The following DAB1 variants were observed in gnomAD, a reference collection of about 807,000 sequenced individuals.
DAB1 encodes the protein DAB adaptor protein 1, also known as disabled homolog 1.
A neutral mutation model predicts 64.6 loss-of-function variants in DAB1; 15 were observed. The observed-to-expected ratio is 0.23, with a 90% CI of 0.16 to 0.36. The LOEUF (loss-of-function observed/expected upper bound fraction) is 0.36, where lower values mean the gene tolerates loss of function less well. Among genes scored for constraint, DAB1 ranks in the 10% least tolerant of loss-of-function variants. The probability of loss-of-function intolerance (pLI) is 1.00; values close to 1 mark genes in which losing one functional copy is unlikely to be tolerated. For missense variants in DAB1, 596 were observed against 706.7 expected (o/e 0.84, Z 1.78); for synonymous variants, 235 against 251.9 (o/e 0.93, Z 0.64).
intron 2 of DAB1, among the ~76,000 whole-genome samples, chr1:57,233,255 C>CTTTTCTTT (rs1667827101): frequency 1.6e-5 from 1 of 60,804 alleles, no homozygotes; most frequent in East Asian, 7.0e-4. Flanking sequence ...TGCTCCGATT[C>CTTTTCTTT]TTTTTTTTTT....
At chr1:58,284,838 TA>T (rs1160135466) in intron 4 of DAB1, among the ~76,000 whole-genome samples, 2 of 152,208 alleles carry the variant, frequency 1.3e-5, no homozygotes. Context: ...CACACATGAA[TA>T]AAAGCAGCAG....
At chr1:57,511,200 C>T (rs775676236) in intron 7 of DAB1, among the ~76,000 whole-genome samples, 2 of 152,148 alleles carry the variant, frequency 1.3e-5, no homozygotes, top group African/African-American at 2.4e-5. Context: ...TCTAATTGTG[C>T]CCCTTCCATG....
At chr1:57,673,731 AT>A (rs1646533700) in intron 6 of DAB1, among the ~76,000 whole-genome samples, 2 of 152,112 alleles carry the variant, frequency 1.3e-5, no homozygotes, top group African/African-American at 4.8e-5. Flanking sequence ...CATTTAAAGC[AT>A]TTTACTTTTA....
chr1:57,478,135 G>T (rs1643962993), intron 7 of DAB1, among the ~76,000 whole-genome samples: 1 of 151,496 alleles, frequency 6.6e-6, no homozygotes, highest in African/African-American at 2.4e-5. Context: ...TCCCACCTAA[G>T]GTTGTACAAA....
chr1:57,002,511 C>A (rs188385319), intron 14 of DAB1, among the ~76,000 whole-genome samples: 1 of 152,178 alleles, frequency 6.6e-6, no homozygotes, highest in African/African-American at 2.4e-5. Context: ...TGTGATTATC[C>A]CAACAATACT....
chr1:57,857,853 C>CAAAAAAAA (rs761614350), intron 1 of DAB1, among the ~76,000 whole-genome samples: 1 of 53,406 alleles, frequency 1.9e-5, no homozygotes, highest in African/African-American at 5.3e-5. Flanking sequence ...AATGTTCATA[C>CAAAAAAAA]AAAAAAAAAA....
chr1:57,528,637 G>GACAC (rs372009576), intron 7 of DAB1, among the ~76,000 whole-genome samples: 2,182 of 21,988 alleles, frequency 0.099, 53 homozygotes, highest in South Asian at 0.12. Context: ...AAAGCAGCAG[G>GACAC]ACACACACAC....
chr1:57,563,033 A>G (rs1167041012), intron 7 of DAB1, among the ~76,000 whole-genome samples: 1 of 152,216 alleles, frequency 6.6e-6, no homozygotes, highest in Non-Finnish European at 1.5e-5. Context: ...GGGAAACTAC[A>G]GCAGCCCAAT....
intron 5 of DAB1, among the ~76,000 whole-genome samples, chr1:58,003,012 TTATGAA>T (rs1311484424): frequency 2.0e-5 from 3 of 152,226 alleles, no homozygotes; most frequent in Non-Finnish European, 4.4e-5. Flanking sequence ...AATGTTATTG[TTATGAA>T]TATGAATATC....
At chr1:58,532,684 T>C (rs79561508) in intron 1 of DAB1, among the ~76,000 whole-genome samples, 1 of 151,894 alleles carries the variant, frequency 6.6e-6, no homozygotes, top group African/African-American at 2.4e-5. Context: ...TGAGCCACCA[T>C]GCTCAGCTAA....
intron 1 of DAB1, among the ~76,000 whole-genome samples, chr1:57,346,897 G>A (rs1463135697): frequency 6.6e-6 from 1 of 152,176 alleles, no homozygotes; most frequent in Non-Finnish European, 1.5e-5. Context: ...AGCATTTACT[G>A]TGTACCTATG....
Position 58,296,195 on chromosome 1 carries a change from G to GAAAGAA in DAB1, n.309+47156_309+47157insTTCTTT, listed in dbSNP as rs1294006778. The stretch of plus-strand genomic sequence containing the variant: ...GAAAAAAGAAAGAAAGAGAAAGAAA[G>GAAAGAA]AGAAAGAAAGAAAGAAAGAAAGAAA... On this transcript the variant is annotated intron_variant and non_coding_transcript_variant, in intron 4 of 20. Coordinates refer to the DAB1 transcript ENST00000485760. 4.4e-4 allele frequency among the ~76,000 whole-genome samples: 41 copies of GAAAGAA among 93,508 alleles called. 1 individual carries two copies. Among genetic ancestry groups the GAAAGAA allele is most frequent in the Non-Finnish European group, 2.8e-4 (13 of 45,670 alleles). The allele number at this position is 93,508 out of a possible 152,430, so 61.3% of individuals were successfully genotyped here. A position where few individuals can be genotyped will look rare whatever the true frequency, so the allele number is the denominator to read the frequency against.
At chr1:58,520,490 T>C (rs1372084781) in intron 2 of DAB1, among the ~76,000 whole-genome samples, 1 of 152,082 alleles carries the variant, frequency 6.6e-6, no homozygotes, top group Non-Finnish European at 1.5e-5. Flanking sequence ...TATAAATAAT[T>C]ACAAATAAGA....
chr1:58,208,092 C>T (rs1453156732), intron 4 of DAB1, among the ~76,000 whole-genome samples: 1 of 152,076 alleles, frequency 6.6e-6, no homozygotes, highest in Non-Finnish European at 1.5e-5. Flanking sequence ...AACTCACTAT[C>T]ACATGAACAG....
intron 1 of DAB1, chr1:57,880,785 G>T (rs1229319288): frequency 6.6e-6 from 1 of 152,120 alleles, no homozygotes; most frequent in Non-Finnish European, 1.5e-5. Flanking sequence ...TATTTTAAAA[G>T]AATATGTTTG....
upstream of DAB1, among the ~76,000 whole-genome samples, chr1:57,887,362 C>G (rs200655900): frequency 4.0e-5 from 6 of 151,666 alleles, no homozygotes; most frequent in East Asian, 9.7e-4. Context: ...CAGGTACTCA[C>G]TGTCTATTAA....
At chr1:58,303,250 T>C (rs1569624235) in intron 4 of DAB1, among the ~76,000 whole-genome samples, 1 of 152,102 alleles carries the variant, frequency 6.6e-6, no homozygotes, top group Non-Finnish European at 1.5e-5. Flanking sequence ...CATCTCCTCC[T>C]CCCTTCCTCA....
chr1:57,477,895 T>C (rs1048225507), intron 7 of DAB1, among the ~76,000 whole-genome samples: 2 of 152,172 alleles, frequency 1.3e-5, no homozygotes, highest in African/African-American at 4.8e-5. Flanking sequence ...TCCCAGAATG[T>C]TAGACTCTAT....
chr1:58,443,026 C>A (rs1483156228), intron 3 of DAB1, among the ~76,000 whole-genome samples: 1 of 152,162 alleles, frequency 6.6e-6, no homozygotes, highest in African/African-American at 2.4e-5. Context: ...ACCTCAGAAG[C>A]CAATTTTGAA....
Sources: allele counts gnomAD v4.1 joint callset (sites outside exome capture counted in the v4.1 genomes callset), GRCh38; gene constraint gnomAD v4.1.1; transcripts MANE v1.5; gene names NCBI Gene and HGNC (gene_info 2026-07-23, HGNC 2026-07-21).